SPOCK3: variants seen among roughly 807,000 people sequenced by gnomAD.
The protein encoded by SPOCK3 is SPARC (osteonectin), cwcv and kazal like domains proteoglycan 3.
Under a neutral mutation model 56.6 loss-of-function variants are expected in SPOCK3, and 30 were observed. The ratio of observed to expected loss-of-function variants is 0.53; its 90% CI spans 0.40 to 0.72. The LOEUF (loss-of-function observed/expected upper bound fraction) is 0.72, where lower values mean the gene tolerates loss of function less well. Among genes scored for constraint, SPOCK3 ranks in the 30% least tolerant of loss-of-function variants. SPOCK3 has a pLI of 0.00. For missense variants in SPOCK3, 527 were observed against 530.0 expected (o/e 0.99, Z 0.06); for synonymous variants, 196 against 183.3 (o/e 1.07, Z -0.56).
intron 6 of SPOCK3, among the ~76,000 whole-genome samples, chr4:166,859,787 T>C (rs1350713071): frequency 6.6e-6 from 1 of 152,100 alleles, no homozygotes; most frequent in Non-Finnish European, 1.5e-5. Flanking sequence ...TTGTACTAAA[T>C]AGGACACATC....
At chr4:166,926,679 C>A (rs1739144700) in intron 4 of SPOCK3, among the ~76,000 whole-genome samples, 1 of 152,080 alleles carries the variant, frequency 6.6e-6, no homozygotes, top group Non-Finnish European at 1.5e-5. Flanking sequence ...GACACCTGAC[C>A]TCCTTTTCCT....
intron 7 of SPOCK3, among the ~76,000 whole-genome samples, chr4:166,784,007 G>A (rs1163150747): frequency 6.6e-6 from 1 of 151,680 alleles, no homozygotes; most frequent in Non-Finnish European, 1.5e-5. Context: ...AATAGGTTCC[G>A]ATAGTTCAGA....
At chr4:166,899,706 G>C (rs1270093024) in intron 5 of SPOCK3, among the ~76,000 whole-genome samples, 1 of 151,666 alleles carries the variant, frequency 6.6e-6, no homozygotes, top group Non-Finnish European at 1.5e-5. Context: ...TAGTACAGAT[G>C]GGGTTTCACC....
chr4:166,734,705 A>G lies in SPOCK3; in HGVS notation c.*216T>C, dbSNP rs540686561. ...TTTTGTCTGACTAGACTGCATATGT[A>G]TTTTCTTTTTGTGTAAGGAATATAA... On this transcript the variant is annotated 3_prime_UTR_variant, in exon 11 of 11. Coordinates refer to ENST00000357545, the MANE Select transcript of SPOCK3 (RefSeq NM_001040159.2). The G allele has an allele frequency of 3.1e-4, 139 of 446,486 alleles. 1 individual carries two copies. The highest frequency in any genetic ancestry group is 2.4e-3 in the Middle Eastern group (4 of 1,678). The allele number at this position is 446,486 out of a possible 1,614,324, so 27.7% of individuals were successfully genotyped here. A position where few individuals can be genotyped will look rare whatever the true frequency, so the allele number is the denominator to read the frequency against.
chr4:166,905,408 T>C (rs1273357584), intron 5 of SPOCK3, among the ~76,000 whole-genome samples: 4 of 152,024 alleles, frequency 2.6e-5, no homozygotes, highest in Non-Finnish European at 5.9e-5. Flanking sequence ...GTGGTGTTAG[T>C]CCTTTTTTAG....
chr4:167,210,777 A>G (rs1159601717), intron 2 of SPOCK3, among the ~76,000 whole-genome samples: 1 of 152,184 alleles, frequency 6.6e-6, no homozygotes, highest in Non-Finnish European at 1.5e-5. Context: ...TCATACAAAT[A>G]TATGACTAGC....
chr4:166,904,955 C>T (rs146477353), intron 5 of SPOCK3, among the ~76,000 whole-genome samples: 1 of 151,960 alleles, frequency 6.6e-6, no homozygotes, highest in South Asian at 2.1e-4. Context: ...TTTTATTGCA[C>T]AGTACAGTGC....
intron 3 of SPOCK3, among the ~76,000 whole-genome samples, chr4:167,006,429 C>A (rs944869380): frequency 2.0e-5 from 3 of 151,814 alleles, no homozygotes; most frequent in African/African-American, 7.3e-5. Flanking sequence ...TATATAATAT[C>A]TAGTAAGACA....
At chr4:167,000,571 A>G in intron 3 of SPOCK3, 108 bp from the exon 4 acceptor site, 2 of 564,732 alleles carry the variant, frequency 3.5e-6, no homozygotes, top group East Asian at 6.1e-5. Flanking sequence ...TTAATTGTAA[A>G]CTTTCTTCAC....
chr4:167,164,382 CA>C (rs1765578794), intron 2 of SPOCK3, among the ~76,000 whole-genome samples: 1 of 151,856 alleles, frequency 6.6e-6, no homozygotes, highest in Admixed American at 6.6e-5. Context: ...AACATGAATT[CA>C]AAAAAATTAA....
intron 2 of SPOCK3, among the ~76,000 whole-genome samples, chr4:167,223,354 T>C (rs2111124500): frequency 6.8e-6 from 1 of 146,332 alleles, no homozygotes; most frequent in South Asian, 2.1e-4. Context: ...TTATGTATAT[T>C]ATGTTTATAT....
At chr4:166,976,210 C>T (rs1213996626) in intron 4 of SPOCK3, among the ~76,000 whole-genome samples, 2 of 152,104 alleles carry the variant, frequency 1.3e-5, no homozygotes, top group African/African-American at 2.4e-5. Context: ...CTTTGTGTTG[C>T]TCAGATCAAA....
rs996764739 is a variant in SPOCK3, at chr4:167,040,774, C to T, written c.235+21718G>A. On this transcript the variant is annotated intron_variant, in intron 3 of 10. Transcript: ENST00000357545. ...TTCAAAGATACAATTATTAATATGCCATTCAATGAATTTGTAGAAGATTAG... is the reference window on the plus strand; with the variant it reads ...TTCAAAGATACAATTATTAATATGCTATTCAATGAATTTGTAGAAGATTAG... Among the ~76,000 whole-genome samples the T allele has an allele frequency of 7.2e-5, 11 of 151,960 alleles. 1 individual carries two copies. Among genetic ancestry groups the T allele is most frequent in the Non-Finnish European group, 1.3e-4 (9 of 67,998 alleles).
intron 2 of SPOCK3, among the ~76,000 whole-genome samples, chr4:167,216,277 C>T (rs1044728472): frequency 6.6e-6 from 1 of 151,826 alleles, no homozygotes; most frequent in African/African-American, 2.4e-5. Flanking sequence ...TTTTGGAAGG[C>T]AACTTACAGT....
chr4:167,091,315 A>G (rs1406789854), intron 2 of SPOCK3, among the ~76,000 whole-genome samples: 2 of 152,196 alleles, frequency 1.3e-5, no homozygotes, highest in African/African-American at 4.8e-5. Context: ...AACATGCTAC[A>G]TTATTATTTC....
chr4:167,205,348 TA>T (rs1734043465), intron 2 of SPOCK3, among the ~76,000 whole-genome samples: 2 of 39,372 alleles, frequency 5.1e-5, no homozygotes, highest in South Asian at 5.9e-4. Context: ...ATATTATATA[TA>T]TAATATATAT....
chr4:167,075,875 G>A (rs559231349), intron 2 of SPOCK3, among the ~76,000 whole-genome samples: 9 of 151,818 alleles, frequency 5.9e-5, no homozygotes, highest in East Asian at 3.9e-4. Flanking sequence ...ATTAATCTAC[G>A]CCCATCAAGC....
chr4:166,840,331 C>A (rs1747105601), intron 6 of SPOCK3, among the ~76,000 whole-genome samples: 2 of 152,176 alleles, frequency 1.3e-5, no homozygotes, highest in South Asian at 4.1e-4. Context: ...GTTCCCCATT[C>A]AGCCTTCTCT....
chr4:166,797,275 C>T (rs1374274470), intron 6 of SPOCK3, among the ~76,000 whole-genome samples: 2 of 115,112 alleles, frequency 1.7e-5, no homozygotes, highest in Non-Finnish European at 1.8e-5. Flanking sequence ...CTCACTCTGT[C>T]CTCCAGGCTG....
Sources: gnomAD v4.1 joint callset for allele counts (sites outside exome capture counted in the v4.1 genomes callset) on GRCh38, gnomAD v4.1.1 for gene constraint, MANE v1.5 for transcripts, NCBI Gene and HGNC (gene_info 2026-07-23, HGNC 2026-07-21) for gene names.